The following FBXO4 variants were observed in gnomAD, a reference collection of about 807,000 sequenced individuals.
FBXO4 encodes F-box only protein 4.
Under a neutral mutation model 43.7 loss-of-function variants are expected in FBXO4, and 36 were observed. The observed-to-expected ratio is 0.82, with a 90% CI of 0.63 to 1.09. The LOEUF (loss-of-function observed/expected upper bound fraction) is 1.09, where lower values mean the gene tolerates loss of function less well. FBXO4 is among the 50% of genes least tolerant of loss of function. The pLI is 0.00. For missense variants in FBXO4, 435 were observed against 474.1 expected, an observed-to-expected ratio of 0.92 and a Z score of 0.77; for synonymous variants, 180 against 165.6, an observed-to-expected ratio of 1.09 and a Z score of -0.67.
At chr5:41,999,480 C>CATATATATATACATATATATATGTGT in the FBXO4 span, among the ~76,000 whole-genome samples, 1 of 114,944 alleles carries the variant, frequency 8.7e-6, no homozygotes, top group Non-Finnish European at 1.7e-5. Flanking sequence ...TATATATACA[C>CATATATATATACATATATATATGTGT]ATATATATAT....
the FBXO4 span, among the ~76,000 whole-genome samples, chr5:41,960,808 T>C: frequency 6.6e-6 from 1 of 152,186 alleles, no homozygotes; most frequent in Non-Finnish European, 1.5e-5. Context: ...TTTTTTATTT[T>C]ATTGTATTAT....
chr5:41,973,229 C>T, the FBXO4 span, among the ~76,000 whole-genome samples: 1 of 151,986 alleles, frequency 6.6e-6, no homozygotes, highest in Non-Finnish European at 1.5e-5. Flanking sequence ...AAGCAAAAAC[C>T]AAACCAAACT....
the FBXO4 span, among the ~76,000 whole-genome samples, chr5:41,948,716 A>G: frequency 5.9e-5 from 9 of 152,268 alleles, no homozygotes; most frequent in South Asian, 1.7e-3. Context: ...TGCCATTTTT[A>G]GCATTCTGTA....
the FBXO4 span, among the ~76,000 whole-genome samples, chr5:41,957,824 A>G: frequency 6.6e-6 from 1 of 152,110 alleles, no homozygotes; most frequent in Non-Finnish European, 1.5e-5. Context: ...TATTATATAT[A>G]ATAGAACAAT....
chr5:42,028,821 A>G, the FBXO4 span, among the ~76,000 whole-genome samples: 2 of 151,894 alleles, frequency 1.3e-5, no homozygotes, highest in Non-Finnish European at 2.9e-5. Flanking sequence ...CTAAAAAAAA[A>G]CCAACTCTAT....
chr5:41,932,187 G>A (rs1443048155), intron 3 of FBXO4, among the ~76,000 whole-genome samples: 1 of 152,194 alleles, frequency 6.6e-6, no homozygotes, highest in Admixed American at 6.5e-5. Context: ...TTCAATTTAT[G>A]GCTCACACTC....
At chr5:42,021,386 G>A in the FBXO4 span, among the ~76,000 whole-genome samples, 2 of 152,216 alleles carry the variant, frequency 1.3e-5, no homozygotes, top group South Asian at 4.1e-4. Context: ...TGACTCCTAG[G>A]TCTTGATTTG....
At chr5:41,951,507 T>C in the FBXO4 span, 1 of 256,696 alleles carries the variant, frequency 3.9e-6, no homozygotes. Flanking sequence ...GCTGAAGAAG[T>C]CTGTTCGCCC....
the FBXO4 span, among the ~76,000 whole-genome samples, chr5:41,999,469 AT>A: frequency 5.7e-4 from 21 of 37,080 alleles, 1 homozygote; most frequent in Non-Finnish European, 7.4e-4. Context: ...GTGTGTGTAT[AT>A]ATATATACAC....
the FBXO4 span, among the ~76,000 whole-genome samples, chr5:42,016,363 C>A: frequency 6.7e-6 from 1 of 149,238 alleles, no homozygotes; most frequent in East Asian, 1.9e-4. Flanking sequence ...CCCCTCCCTC[C>A]TTTTTTTTTT....
the FBXO4 span, among the ~76,000 whole-genome samples, chr5:42,015,731 G>T: frequency 6.6e-6 from 1 of 150,432 alleles, no homozygotes; most frequent in Admixed American, 6.6e-5. Context: ...AAAAAAAAAA[G>T]TATCCATAGA....
chr5:41,942,810 T>C (rs1475582674), downstream of FBXO4, among the ~76,000 whole-genome samples: 1 of 152,138 alleles, frequency 6.6e-6, no homozygotes, highest in African/African-American at 2.4e-5. Context: ...ATTTATTATA[T>C]TTGATCCTTG....
At chr5:42,014,252 AC>A in the FBXO4 span, among the ~76,000 whole-genome samples, 2 of 151,940 alleles carry the variant, frequency 1.3e-5, no homozygotes, top group African/African-American at 4.8e-5. Context: ...AACATCCGCT[AC>A]CCCCATCTTC....
the FBXO4 span, among the ~76,000 whole-genome samples, chr5:41,988,405 C>T: frequency 1.3e-5 from 2 of 152,106 alleles, no homozygotes; most frequent in Non-Finnish European, 2.9e-5. Context: ...AAAAATGATT[C>T]ATTTTTCCTT....
chr5:41,999,484 T>C, the FBXO4 span, among the ~76,000 whole-genome samples: 27 of 103,698 alleles, frequency 2.6e-4, no homozygotes, highest in South Asian at 7.7e-4. Context: ...TATACACATA[T>C]ATATATATAC....
the FBXO4 span, among the ~76,000 whole-genome samples, chr5:41,965,378 G>A: frequency 6.6e-6 from 1 of 152,064 alleles, no homozygotes; most frequent in Non-Finnish European, 1.5e-5. Flanking sequence ...CTCTTTTTTG[G>A]TTCCATATGA....
the FBXO4 span, among the ~76,000 whole-genome samples, chr5:42,033,296 A>G: frequency 1.3e-5 from 2 of 152,252 alleles, no homozygotes; most frequent in South Asian, 2.1e-4. Context: ...ACTAGGAGTC[A>G]CCTAAGAGTT....
chr5:41,942,823 G>A (rs935041797), downstream of FBXO4, among the ~76,000 whole-genome samples: 2 of 152,074 alleles, frequency 1.3e-5, no homozygotes, highest in African/African-American at 4.8e-5. Context: ...GATCCTTGAT[G>A]ATTTTGACAA....
intron 1 of FBXO4, among the ~76,000 whole-genome samples, chr5:41,926,430 G>T (rs943079357): frequency 6.6e-6 from 1 of 152,094 alleles, no homozygotes; most frequent in South Asian, 2.1e-4. Context: ...AAAATTAGCC[G>T]GGCTTGGTGG....
Sources: allele counts gnomAD v4.1 joint callset (sites outside exome capture counted in the v4.1 genomes callset), GRCh38; gene constraint gnomAD v4.1.1; transcripts MANE v1.5; gene names NCBI Gene and HGNC (gene_info 2026-07-23, HGNC 2026-07-21).